Variants in LRRC4C observed in about 807,000 individuals in gnomAD.
LRRC4C encodes leucine rich repeat containing 4C, also known as leucine-rich repeat-containing protein 4C.
Under a neutral mutation model 33.6 loss-of-function variants are expected in LRRC4C, and 5 were observed. The observed-to-expected ratio is 0.15, with a 90% CI of 0.08 to 0.31. The LOEUF (loss-of-function observed/expected upper bound fraction) is 0.31. Ranked by LOEUF, LRRC4C falls within the 10% of genes least tolerant of loss-of-function variation. LRRC4C has a pLI of 1.00. For synonymous variants in LRRC4C, 329 were observed against 302.0 expected (o/e 1.09, Z -0.93); for missense variants, 560 against 796.7 (o/e 0.70, Z 3.58).
chr11:40,739,474 T>G (rs569015746), intron 2 of LRRC4C, among the ~76,000 whole-genome samples: 1 of 136,362 alleles, frequency 7.3e-6, no homozygotes, highest in East Asian at 2.0e-4. Context: ...AAAAATCAAC[T>G]ATATACAATT....
At chr11:40,971,641 TGA>T (rs1358397503) in intron 1 of LRRC4C, among the ~76,000 whole-genome samples, 1 of 152,136 alleles carries the variant, frequency 6.6e-6, no homozygotes, top group Non-Finnish European at 1.5e-5. Context: ...AGTGCATCTG[TGA>T]GAATACGGCC....
chr11:40,915,393 A>G (rs923135682), intron 2 of LRRC4C, among the ~76,000 whole-genome samples: 3 of 152,200 alleles, frequency 2.0e-5, no homozygotes, highest in East Asian at 1.9e-4. Flanking sequence ...ATAATGCCAC[A>G]TATCTATCAC....
chr11:41,194,167 A>G (rs1304128514), intron 1 of LRRC4C, among the ~76,000 whole-genome samples: 1 of 152,116 alleles, frequency 6.6e-6, no homozygotes, highest in Non-Finnish European at 1.5e-5. Context: ...AGGTTCCTTT[A>G]TCATAAAAAT....
intron 2 of LRRC4C, among the ~76,000 whole-genome samples, chr11:40,715,836 C>T (rs150701070): frequency 1.3e-5 from 2 of 152,178 alleles, no homozygotes; most frequent in East Asian, 3.9e-4. Context: ...ATCAGCCTAG[C>T]CAAAGTGGTG....
intron 5 of LRRC4C, among the ~76,000 whole-genome samples, chr11:40,204,256 T>C (rs1862981902): frequency 6.7e-6 from 1 of 149,194 alleles, no homozygotes; most frequent in Admixed American, 6.7e-5. Flanking sequence ...GGTGATCCTT[T>C]CAGACCACCC....
chr11:40,874,063 A>C (rs1349944658), intron 2 of LRRC4C, among the ~76,000 whole-genome samples: 1 of 152,340 alleles, frequency 6.6e-6, no homozygotes. Context: ...AGTGGCCATT[A>C]TTAGATTAGA....
intron 6 of LRRC4C, among the ~76,000 whole-genome samples, chr11:40,120,021 A>T (rs764397416): frequency 6.6e-6 from 1 of 152,104 alleles, no homozygotes; most frequent in Non-Finnish European, 1.5e-5. Context: ...AACCACAATA[A>T]AGGCTCTTGC....
intron 1 of LRRC4C, among the ~76,000 whole-genome samples, chr11:41,343,320 T>G (rs1283117732): frequency 6.6e-6 from 1 of 152,110 alleles, no homozygotes; most frequent in Non-Finnish European, 1.5e-5. Context: ...TGAGTGGTGA[T>G]TCAACTGATT....
At chr11:40,486,361 A>C (rs1391660305) in intron 3 of LRRC4C, among the ~76,000 whole-genome samples, 1 of 152,064 alleles carries the variant, frequency 6.6e-6, no homozygotes, top group Non-Finnish European at 1.5e-5. Flanking sequence ...GATAAAGTTG[A>C]AACATAAGAC....
intron 2 of LRRC4C, among the ~76,000 whole-genome samples, chr11:40,863,933 G>A (rs1364722968): frequency 6.6e-6 from 1 of 151,280 alleles, no homozygotes; most frequent in Non-Finnish European, 1.5e-5. Flanking sequence ...AACATTGCAT[G>A]TTCTCCTTTT....
intron 2 of LRRC4C, among the ~76,000 whole-genome samples, chr11:40,693,417 A>C (rs1334719056): frequency 6.6e-6 from 1 of 152,108 alleles, no homozygotes; most frequent in African/African-American, 2.4e-5. Context: ...AAGATGATTG[A>C]GTGAAATGTG....
intron 2 of LRRC4C, among the ~76,000 whole-genome samples, chr11:40,695,144 G>C (rs941596839): frequency 3.9e-5 from 6 of 152,164 alleles, no homozygotes; most frequent in African/African-American, 1.4e-4. Context: ...AAAATGCTAA[G>C]TGAACAGTGT....
chr11:41,288,504 G>C (rs1475959186), intron 1 of LRRC4C, among the ~76,000 whole-genome samples: 2 of 152,110 alleles, frequency 1.3e-5, no homozygotes, highest in African/African-American at 4.8e-5. Context: ...GAGGGAGATA[G>C]GGGACATAAC....
chr11:41,142,749 CAA>C (rs1943564449), intron 1 of LRRC4C, among the ~76,000 whole-genome samples: 1 of 151,982 alleles, frequency 6.6e-6, no homozygotes, highest in Non-Finnish European at 1.5e-5. Flanking sequence ...TGTTTTGATG[CAA>C]AAGAGAGACA....
chr11:40,215,342 T>C (rs1045589548), intron 5 of LRRC4C, among the ~76,000 whole-genome samples: 1 of 152,178 alleles, frequency 6.6e-6, no homozygotes, highest in Non-Finnish European at 1.5e-5. Context: ...CTGAACGCTG[T>C]TCAGTGCTCT....
intron 1 of LRRC4C, among the ~76,000 whole-genome samples, chr11:41,090,592 A>G (rs1184048515): frequency 6.6e-6 from 1 of 152,118 alleles, no homozygotes; most frequent in East Asian, 1.9e-4. Flanking sequence ...TCTGCCACTT[A>G]GTAGCAAATG....
At chr11:41,292,526 T>G (rs930213416) in intron 1 of LRRC4C, among the ~76,000 whole-genome samples, 1 of 151,870 alleles carries the variant, frequency 6.6e-6, no homozygotes, top group African/African-American at 2.4e-5. Context: ...TGCATAAAAA[T>G]TATATTTTAT....
chr11:41,252,052 T>C (rs1471718618), intron 1 of LRRC4C, among the ~76,000 whole-genome samples: 1 of 152,166 alleles, frequency 6.6e-6, no homozygotes. Context: ...AAAATATCTT[T>C]CTTTTAAGGT....
chr11:40,222,020 A>T (rs1864457216), intron 5 of LRRC4C, among the ~76,000 whole-genome samples: 1 of 152,066 alleles, frequency 6.6e-6, no homozygotes, highest in Non-Finnish European at 1.5e-5. Flanking sequence ...ACAATACTAG[A>T]TTCTGTATAT....
Sources: allele counts gnomAD v4.1 joint callset (sites outside exome capture counted in the v4.1 genomes callset), GRCh38; gene constraint gnomAD v4.1.1; transcripts MANE v1.5; gene names NCBI Gene and HGNC (gene_info 2026-07-23, HGNC 2026-07-21).